PLEKHG5: variants seen among roughly 807,000 people sequenced by gnomAD.
PLEKHG5 encodes pleckstrin homology domain-containing family G member 5.
A neutral mutation model predicts 103.8 loss-of-function variants in PLEKHG5; 52 were observed. The observed-to-expected ratio is 0.50, with a 90% confidence interval of 0.40 to 0.63. The LOEUF is 0.63. Ranked by LOEUF, PLEKHG5 falls within the 30% of genes least tolerant of loss-of-function variation. The pLI, the probability that PLEKHG5 is intolerant of heterozygous loss-of-function variation, is 0.00. For synonymous variants in PLEKHG5, 592 were observed against 575.5 expected, an observed-to-expected ratio of 1.03 and a Z score of -0.41; for missense variants, 1,205 against 1,347.6, an observed-to-expected ratio of 0.89 and a Z score of 1.66.
At chr1:6,474,685 A>G in intron 5 of PLEKHG5, 98 bp from the exon 6 acceptor site, 2 of 845,550 alleles carry the variant, frequency 2.4e-6, no homozygotes, top group Non-Finnish European at 3.1e-6. Context: ...CCACAGCCCC[A>G]GCTGCCCCCA....
chr1:6,467,568 C>A lies in PLEKHG5; in HGVS notation c.3016G>T (p.Val1006Phe). ...TCTTGGGGGCCTCCCTCTGCTCAGA[C>A]CTCCCTACAGGGTGGGGAGGGGACA... ...LLNSTLTASE[V>F] The change falls in exon 21 of 21, where the codon GTC becomes TTC. Residue 1006 changes from valine (V) to phenylalanine (F), a missense_variant. Val to Phe is a conservative substitution (Grantham distance 50). Coordinates refer to ENST00000377728, the MANE Select transcript of PLEKHG5 (RefSeq NM_020631.6). 3.7e-6 allele frequency: 6 copies of A among 1,613,490 alleles called. No individual in the cohort carries two copies. The highest frequency in any genetic ancestry group is 5.1e-6 in the Non-Finnish European group (6 of 1,179,804).
At chr1:6,516,682 G>T (rs957973322) in intron 1 of PLEKHG5, among the ~76,000 whole-genome samples, 14 of 150,694 alleles carry the variant, frequency 9.3e-5, no homozygotes, top group African/African-American at 3.4e-4. Context: ...AAAAGATGAG[G>T]AATGTTTTTA....
chr1:6,482,272 G>A (rs1234390864), intron 1 of PLEKHG5, among the ~76,000 whole-genome samples: 3 of 152,158 alleles, frequency 2.0e-5, no homozygotes, highest in Admixed American at 6.5e-5. Context: ...GGTCACATTC[G>A]CAAGGACAGA....
chr1:6,504,008 C>A (rs530327127), intron 1 of PLEKHG5, among the ~76,000 whole-genome samples: 1 of 152,342 alleles, frequency 6.6e-6, no homozygotes, highest in South Asian at 2.1e-4. Flanking sequence ...CCCCACCCTG[C>A]CAAGGGGAGC....
chr1:6,506,905 C>T (rs1309936089), intron 1 of PLEKHG5, among the ~76,000 whole-genome samples: 1 of 151,766 alleles, frequency 6.6e-6, no homozygotes, highest in African/African-American at 2.4e-5. Flanking sequence ...AATGGCAGCG[C>T]AGGCATAGAG....
chr1:6,470,950 C>G lies in PLEKHG5; in HGVS notation c.1392+40G>C, dbSNP rs181693536. 1.0e-3 allele frequency: 1,562 copies of G among 1,555,874 alleles called. 11 individuals carry two copies. In the African/African-American group the frequency reaches 0.013, roughly 13 times the overall value. On this transcript the variant is annotated intron_variant, in intron 13 of 20. Transcript: ENST00000377728. ...CCCCACCCGGCCCCGTCCAGGGTCCCGTCCTCCTGCGCCCCCGCCCACGGC... is the reference window on the plus strand; with the variant it reads ...CCCCACCCGGCCCCGTCCAGGGTCCGGTCCTCCTGCGCCCCCGCCCACGGC...
chr1:6,512,441 C>T (rs568295297), intron 1 of PLEKHG5, among the ~76,000 whole-genome samples: 1 of 152,226 alleles, frequency 6.6e-6, no homozygotes, highest in Non-Finnish European at 1.5e-5. Flanking sequence ...GCATGGGCCC[C>T]TCCCCGGGCT....
At chr1:6,484,180 AG>A (rs1644967434) in intron 1 of PLEKHG5, among the ~76,000 whole-genome samples, 1 of 152,200 alleles carries the variant, frequency 6.6e-6, no homozygotes, top group Non-Finnish European at 1.5e-5. Flanking sequence ...TCCTTACGGA[AG>A]AGTCAGTATT....
At chr1:6,497,384 G>T, upstream of PLEKHG5, 1 of 1,081,346 alleles carries the variant, frequency 9.2e-7, no homozygotes, top group Non-Finnish European at 1.1e-6. This position sits in a 1 kb window ranked among gnomAD's most constrained non-coding sequence, Gnocchi z 6.1. Flanking sequence ...GGACGCCGGG[G>T]ACTGGGAGGC....
chr1:6,497,305 C>G (rs2148628208), upstream of PLEKHG5: 1 of 1,105,062 alleles, frequency 9.0e-7, no homozygotes, highest in East Asian at 2.8e-5. This position sits in a 1 kb window ranked among gnomAD's most constrained non-coding sequence, Gnocchi z 6.1. Flanking sequence ...CCGCCGGGTC[C>G]CCGCCTGCAC....
At position 6,491,121 on chromosome 1, in the gene PLEKHG5, T is replaced by C. The variant is rs1343261314; in HGVS notation, c.-88+516A>G. Among the ~76,000 whole-genome samples the C allele has an allele frequency of 2.0e-5, 3 of 151,706 alleles. No individual in the cohort carries two copies. The highest frequency in any genetic ancestry group is 4.8e-5 in the African/African-American group (2 of 41,262). On this transcript the variant is annotated intron_variant, in intron 1 of 20. Transcript: ENST00000377728. This position sits in a 1 kb window ranked among gnomAD's most constrained non-coding sequence, Gnocchi z 4.1. ...TTTTTTTTTTCTGGCCCAGGTGATA[T>C]GGCCGGAAAAGGGTGCTGTTCTGCC... is the stretch of plus-strand genomic sequence containing the variant.
chr1:6,508,061 C>T (rs1016095679), intron 1 of PLEKHG5, among the ~76,000 whole-genome samples: 2 of 152,164 alleles, frequency 1.3e-5, no homozygotes, highest in Non-Finnish European at 2.9e-5. Flanking sequence ...GTGGGAGCCA[C>T]ACCTGGTTAT....
At chr1:6,510,564 T>C (rs2148636751) in intron 1 of PLEKHG5, among the ~76,000 whole-genome samples, 1 of 152,108 alleles carries the variant, frequency 6.6e-6, no homozygotes, top group Middle Eastern at 3.4e-3. Flanking sequence ...CAATCTAGCC[T>C]GGGTGACAGA....
chr1:6,481,347 A>G (rs376979179), intron 1 of PLEKHG5, among the ~76,000 whole-genome samples: 1 of 151,758 alleles, frequency 6.6e-6, no homozygotes, highest in African/African-American at 2.4e-5. Flanking sequence ...CCTGACCAAC[A>G]TGGAAGAAAC....
At position 6,513,828 on chromosome 1, in the gene PLEKHG5, G is replaced by T. The variant is rs114517253; in HGVS notation, c.-165+5617C>A. 1.9e-3 allele frequency among the ~76,000 whole-genome samples: 288 copies of T among 152,346 alleles called. 1 individual carries two copies. Among genetic ancestry groups the T allele is most frequent in the African/African-American group, 6.8e-3 (284 of 41,584 alleles). ...ACCCAGGCTGCCTCGGATGGGCCTT[G>T]TCTGACTGTTGGCCCACAGAAGTCA... On this transcript the variant is annotated intron_variant, in intron 1 of 21. Transcript: ENST00000377740.
At position 6,515,621 on chromosome 1, in the gene PLEKHG5, G is replaced by A. The variant is rs553108669; in HGVS notation, c.-165+3824C>T. 8.4e-4 allele frequency among the ~76,000 whole-genome samples: 127 copies of A among 151,776 alleles called. No individual in the cohort carries two copies. In the Middle Eastern group the frequency reaches 0.01, roughly 12 times the overall value. ...GTGGGAGAATCATTTGAGGCCAGGA[G>A]TTGAAACCAGCCTGGACAACAGAGC... On this transcript the variant is annotated intron_variant, in intron 1 of 21. Coordinates refer to the PLEKHG5 transcript ENST00000377740.
At chr1:6,498,536 A>T (rs1645259896), upstream of PLEKHG5, among the ~76,000 whole-genome samples, 1 of 152,122 alleles carries the variant, frequency 6.6e-6, no homozygotes, top group Non-Finnish European at 1.5e-5. Context: ...GGTGCTGGGG[A>T]CTCACTGGTG....
At chr1:6,507,921 G>A (rs748045348) in intron 1 of PLEKHG5, among the ~76,000 whole-genome samples, 23 of 152,188 alleles carry the variant, frequency 1.5e-4, no homozygotes, top group Non-Finnish European at 2.1e-4. Flanking sequence ...TCAGACTGAG[G>A]CTTAGGGAAT....
chr1:6,485,565 C>T, intron 1 of PLEKHG5: 3 of 989,806 alleles, frequency 3.0e-6, no homozygotes, highest in East Asian at 7.0e-5. Context: ...GGGCCGGGCC[C>T]GGAACAGCCC....
Sources: allele counts gnomAD v4.1 joint callset (sites outside exome capture counted in the v4.1 genomes callset), GRCh38; gene constraint gnomAD v4.1.1; non-coding constraint Gnocchi (gnomAD v3.1); transcripts MANE v1.5; gene names NCBI Gene and HGNC (gene_info 2026-07-23, HGNC 2026-07-21).